The following RAD18 variants were observed in gnomAD, a reference collection of about 807,000 sequenced individuals.
RAD18 encodes E3 ubiquitin-protein ligase RAD18.
A neutral mutation model predicts 60.4 loss-of-function variants in RAD18; 47 were observed. The ratio of observed to expected loss-of-function variants is 0.78; its 90% confidence interval spans 0.62 to 0.99. RAD18 has a LOEUF of 0.99. Ranked by LOEUF, RAD18 falls within the 50% of genes least tolerant of loss-of-function variation. The pLI, the probability that RAD18 is intolerant of heterozygous loss-of-function variation, is 0.00. For missense variants in RAD18, 640 were observed against 593.3 expected (o/e 1.08, Z -0.82); for synonymous variants, 225 against 195.5 (o/e 1.15, Z -1.26).
chr3:8,879,026 T>C lies in RAD18; in HGVS notation c.*2331A>G, dbSNP rs576256643. On this transcript the variant is annotated 3_prime_UTR_variant, in exon 13 of 13. Transcript: ENST00000264926. ...GGATATGAACATACATTTCTTTCAA[T>C]GTATGAATATTAAACATATGCTAAG... 3.3e-5 allele frequency: 5 copies of C among 152,234 alleles called. No homozygotes were observed. Among genetic ancestry groups the C allele is most frequent in the African/African-American group, 1.2e-4 (5 of 41,460 alleles). 9.4% of individuals were successfully genotyped at this position (152,234 alleles called of 1,614,324 possible). A position where few individuals can be genotyped will look rare whatever the true frequency, so the allele number is the denominator to read the frequency against.
chr3:8,932,093 C>G (rs528708777), intron 7 of RAD18, among the ~76,000 whole-genome samples: 1 of 152,120 alleles, frequency 6.6e-6, no homozygotes, highest in East Asian at 1.9e-4. Flanking sequence ...TTAGGATAAG[C>G]AAATATTTTG....
rs1165123130 is a variant in RAD18, at chr3:8,879,707, C to A, written c.*1650G>T. Reference sequence around the variant, plus strand: ...CTGGGGGGCAAAATCTTTCTGCCCACCCCACTGGGAACCATTGTTCTAGAT... The same window carrying A: ...CTGGGGGGCAAAATCTTTCTGCCCAACCCACTGGGAACCATTGTTCTAGAT... On this transcript the variant is annotated 3_prime_UTR_variant, in exon 13 of 13. Coordinates refer to ENST00000264926, the MANE Select transcript of RAD18 (RefSeq NM_020165.4). 3 of 152,236 alleles carry A rather than the reference C, an allele frequency of 2.0e-5. No homozygotes were observed. The highest frequency in any genetic ancestry group is 7.2e-5 in the African/African-American group (3 of 41,390). The allele number at this position is 152,236 out of a possible 1,614,324, so 9.4% of individuals were successfully genotyped here.
chr3:8,904,806 G>T (rs560805864), intron 9 of RAD18, among the ~76,000 whole-genome samples: 4 of 152,150 alleles, frequency 2.6e-5, no homozygotes, highest in East Asian at 1.9e-4. Context: ...TCCTACTAAG[G>T]CCATTCCACT....
intron 5 of RAD18, among the ~76,000 whole-genome samples, chr3:8,940,996 T>C (rs764881948): frequency 6.6e-6 from 1 of 152,200 alleles, no homozygotes; most frequent in Non-Finnish European, 1.5e-5. Flanking sequence ...CTCAGTGTAC[T>C]GGAGGAACAG....
chr3:8,926,460 T>C (rs185272064), intron 7 of RAD18, among the ~76,000 whole-genome samples: 9 of 152,162 alleles, frequency 5.9e-5, no homozygotes, highest in African/African-American at 2.2e-4. Context: ...GAAGAATCAA[T>C]ATCATGAAAA....
chr3:8,884,633 C>T (rs899381567), intron 12 of RAD18, among the ~76,000 whole-genome samples: 4 of 151,560 alleles, frequency 2.6e-5, no homozygotes, highest in Admixed American at 2.6e-4. Flanking sequence ...AGTAATTTTT[C>T]TTTCCATGTT....
chr3:8,948,393 A>G (rs1940871538), intron 3 of RAD18, 116 bp downstream of exon 3: 1 of 819,270 alleles, frequency 1.2e-6, no homozygotes, highest in African/African-American at 1.7e-5. Context: ...TGTCTTTCAT[A>G]TAGCTTAATT....
At chr3:8,948,929 A>T (rs1329930251) in intron 2 of RAD18, among the ~76,000 whole-genome samples, 4 of 152,196 alleles carry the variant, frequency 2.6e-5, no homozygotes, top group African/African-American at 9.7e-5. Flanking sequence ...TTGAAATAAT[A>T]TATATACACA....
At chr3:8,939,038 G>C (rs562916010) in intron 6 of RAD18, among the ~76,000 whole-genome samples, 1 of 152,160 alleles carries the variant, frequency 6.6e-6, no homozygotes, top group South Asian at 2.1e-4. Context: ...GGATGGGGGG[G>C]TGGTGTGGGG....
chr3:8,923,571 G>A (rs625543), intron 7 of RAD18, among the ~76,000 whole-genome samples: 126,756 of 151,846 alleles, frequency 0.83, 53,156 homozygotes, highest in South Asian at 0.9. Context: ...GAACGCCACA[G>A]AGATACTCCT....
chr3:8,922,604 G>A (rs1940344358), intron 7 of RAD18, among the ~76,000 whole-genome samples: 1 of 152,182 alleles, frequency 6.6e-6, no homozygotes, highest in African/African-American at 2.4e-5. Flanking sequence ...ATCTGAGAAT[G>A]GACAGACTGC....
intron 2 of RAD18, among the ~76,000 whole-genome samples, chr3:8,951,275 T>C (rs971427314): frequency 9.9e-5 from 15 of 152,140 alleles, no homozygotes; most frequent in African/African-American, 3.6e-4. Flanking sequence ...AGTGGGGGCC[T>C]TACCTACAGA....
chr3:8,954,166 C>T (rs572635784), intron 2 of RAD18, among the ~76,000 whole-genome samples: 2 of 152,288 alleles, frequency 1.3e-5, no homozygotes, highest in South Asian at 4.1e-4. Context: ...CTAACTGTCC[C>T]TTAACATTAG....
rs1349191187 is a variant in RAD18 at position 8,881,443 on chromosome 3, T to C, written c.1402A>G (p.Thr468Ala). 2.5e-6 allele frequency: 4 copies of C among 1,609,750 alleles called. No individual in the cohort carries two copies. Among genetic ancestry groups the C allele is most frequent in the Non-Finnish European group, 3.4e-6 (4 of 1,176,198 alleles). The change falls in exon 13 of 13, where the codon ACA becomes GCA. Residue 468 changes from threonine to alanine, a missense_variant. Thr to Ala is a moderately conservative substitution (Grantham distance 58). Transcript: ENST00000264926. ...EASHKNDLQD[T>A]EISPRQNRRT... ...CGATTCTGTCTTGGACTTATTTCTG[T>C]GTCTTGAAGATCGTTTCTGAAGACA... is the stretch of plus-strand genomic sequence containing the variant.
intron 7 of RAD18, among the ~76,000 whole-genome samples, chr3:8,920,152 G>A (rs9876297): frequency 7.6e-4 from 116 of 152,116 alleles, no homozygotes; most frequent in African/African-American, 2.7e-3. Context: ...CATGGCATGC[G>A]CCTGTAGTCC....
intron 7 of RAD18, among the ~76,000 whole-genome samples, chr3:8,919,302 A>C (rs762237186): frequency 1.3e-5 from 2 of 152,214 alleles, no homozygotes; most frequent in Non-Finnish European, 2.9e-5. Flanking sequence ...TGTCATTAGA[A>C]TATAAAAAAT....
intron 7 of RAD18, among the ~76,000 whole-genome samples, chr3:8,922,332 G>A (rs1357927908): frequency 4.6e-5 from 7 of 152,140 alleles, no homozygotes; most frequent in East Asian, 3.9e-4. Flanking sequence ...ACAGAGCCTC[G>A]CTCATTGCTA....
At chr3:8,926,042 G>A (rs1940427588) in intron 7 of RAD18, among the ~76,000 whole-genome samples, 2 of 151,742 alleles carry the variant, frequency 1.3e-5, no homozygotes, top group Admixed American at 1.3e-4. Flanking sequence ...ATTCAACATA[G>A]TGTTGGAAGT....
At chr3:8,935,572 G>A (rs951859602) in intron 7 of RAD18, among the ~76,000 whole-genome samples, 6 of 151,940 alleles carry the variant, frequency 3.9e-5, no homozygotes, top group South Asian at 2.1e-4. Flanking sequence ...GCTGAAAAAC[G>A]GGCACTGTAA....
Sources: gnomAD v4.1 joint callset for allele counts (sites outside exome capture counted in the v4.1 genomes callset) on GRCh38, gnomAD v4.1.1 for gene constraint, MANE v1.5 for transcripts, NCBI Gene and HGNC (gene_info 2026-07-23, HGNC 2026-07-21) for gene names.